Variants in CDYL observed in about 807,000 individuals in gnomAD.
The protein encoded by CDYL is chromodomain Y like, also known as chromodomain Y-like protein.
A neutral mutation model predicts 47.3 loss-of-function variants in CDYL; 8 were observed. That is an observed-to-expected ratio of 0.17 (90% CI 0.10 to 0.31). The LOEUF (loss-of-function observed/expected upper bound fraction) is 0.31. CDYL is among the 10% of genes least tolerant of loss of function. The pLI is 1.00. For synonymous variants in CDYL, 266 were observed against 265.0 expected, an observed-to-expected ratio of 1.00 and a Z score of -0.04; for missense variants, 471 against 701.4, an observed-to-expected ratio of 0.67 and a Z score of 3.71.
chr6:4,909,547 T>C (rs1165993170), intron 2 of CDYL, among the ~76,000 whole-genome samples: 2 of 152,176 alleles, frequency 1.3e-5, no homozygotes, highest in Non-Finnish European at 2.9e-5. Context: ...CGCTTTCTGG[T>C]GTACTTGAGA....
chr6:4,817,465 C>T (rs954611228), intron 1 of CDYL, among the ~76,000 whole-genome samples: 6 of 152,084 alleles, frequency 3.9e-5, no homozygotes, highest in Non-Finnish European at 7.4e-5. Flanking sequence ...CATTCCCTTA[C>T]GAGCCACCAC....
intron 1 of CDYL, among the ~76,000 whole-genome samples, chr6:4,867,382 A>T (rs901318678): frequency 1.1e-4 from 17 of 152,142 alleles, no homozygotes; most frequent in African/African-American, 4.1e-4. Flanking sequence ...GAGAATGAAC[A>T]TCCTTACTTC....
intron 1 of CDYL, among the ~76,000 whole-genome samples, chr6:4,880,994 T>G (rs2127478112): frequency 6.6e-6 from 1 of 152,356 alleles, no homozygotes; most frequent in Admixed American, 6.5e-5. Context: ...TTTAAATTAT[T>G]ATTTACATAG....
chr6:4,882,975 G>A (rs192856628), intron 1 of CDYL, among the ~76,000 whole-genome samples: 23 of 152,230 alleles, frequency 1.5e-4, no homozygotes, highest in Non-Finnish European at 2.4e-4. Flanking sequence ...TTAAAGCCAC[G>A]TGATAACCCA....
chr6:4,952,181 C>T, intron 5 of CDYL, 85 bp from the exon 6 acceptor site: 1 of 1,478,110 alleles, frequency 6.8e-7, no homozygotes, highest in Non-Finnish European at 9.1e-7. Context: ...GTGAATGTTT[C>T]CCTTCGGTGT....
At chr6:4,791,462 C>G (rs769541581) in intron 1 of CDYL, among the ~76,000 whole-genome samples, 1 of 152,130 alleles carries the variant, frequency 6.6e-6, no homozygotes, top group Non-Finnish European at 1.5e-5. Context: ...CACCATAGAG[C>G]ATATTCAAAA....
intron 1 of CDYL, among the ~76,000 whole-genome samples, chr6:4,860,018 C>T (rs1209709919): frequency 1.3e-5 from 2 of 151,810 alleles, no homozygotes; most frequent in African/African-American, 4.8e-5. Context: ...TCTCCTGCCT[C>T]AGTCTCCCAA....
intron 3 of CDYL, among the ~76,000 whole-genome samples, chr6:4,741,822 C>G (rs1468091150): frequency 6.6e-6 from 1 of 152,164 alleles, no homozygotes; most frequent in Admixed American, 6.5e-5. Context: ...ATGCTGTAGA[C>G]TGGTCCTCTG....
At chr6:4,868,940 T>C (rs953853056) in intron 1 of CDYL, among the ~76,000 whole-genome samples, 5 of 152,220 alleles carry the variant, frequency 3.3e-5, no homozygotes, top group African/African-American at 1.2e-4. Flanking sequence ...AAAGTCTTCT[T>C]TGATACCCAT....
At chr6:4,900,446 A>G (rs1378094709) in intron 2 of CDYL, among the ~76,000 whole-genome samples, 4 of 152,104 alleles carry the variant, frequency 2.6e-5, no homozygotes, top group African/African-American at 7.2e-5. Flanking sequence ...ATGTTTATAC[A>G]CACATACACA....
At chr6:4,855,002 A>G (rs375694082) in intron 1 of CDYL, among the ~76,000 whole-genome samples, 1 of 152,212 alleles carries the variant, frequency 6.6e-6, no homozygotes, top group Non-Finnish European at 1.5e-5. Flanking sequence ...TAGGGTCAAT[A>G]TGAGCTTTCT....
intron 1 of CDYL, among the ~76,000 whole-genome samples, chr6:4,815,416 A>G (rs7744582): frequency 0.027 from 4,121 of 152,266 alleles, 188 homozygotes; most frequent in African/African-American, 0.093. Flanking sequence ...TCCTTAGTGT[A>G]GAATACTGTC....
intron 2 of CDYL, among the ~76,000 whole-genome samples, chr6:4,918,601 A>C (rs1757622852): frequency 6.6e-6 from 1 of 152,224 alleles, no homozygotes; most frequent in Non-Finnish European, 1.5e-5. Flanking sequence ...AGTTTGTCAA[A>C]AGTAAAACTA....
rs973312261 is a variant in CDYL, at chr6:4,886,409, A to G, written c.25-5304A>G. Reference sequence around the variant, plus strand: ...CACCACTACTTACCCTTTTTATTACAGCCATCCTACCGGCTGTGAAGTGTA... The same window carrying G: ...CACCACTACTTACCCTTTTTATTACGGCCATCCTACCGGCTGTGAAGTGTA... On this transcript the variant is annotated intron_variant, in intron 1 of 6. Coordinates refer to ENST00000397588, the MANE Select transcript of CDYL (RefSeq NM_004824.4). Among the ~76,000 whole-genome samples the G allele has an allele frequency of 2.0e-4, 30 of 152,180 alleles. 1 individual carries two copies. The highest frequency in any genetic ancestry group is 6.8e-4 in the African/African-American group (28 of 41,436).
intron 2 of CDYL, among the ~76,000 whole-genome samples, chr6:4,898,761 C>T (rs1762359060): frequency 6.6e-6 from 1 of 152,220 alleles, no homozygotes; most frequent in South Asian, 2.1e-4. Flanking sequence ...TGGAGCCAGT[C>T]TGCTTACTCC....
chr6:4,917,687 G>A (rs1757595912), intron 2 of CDYL, among the ~76,000 whole-genome samples: 1 of 152,194 alleles, frequency 6.6e-6, no homozygotes. Flanking sequence ...CAGCACTGAG[G>A]AAGGATTAAA....
At chr6:4,824,300 G>A (rs1228119648) in intron 1 of CDYL, among the ~76,000 whole-genome samples, 1 of 152,092 alleles carries the variant, frequency 6.6e-6, no homozygotes, top group South Asian at 2.1e-4. Context: ...ATGGTAATTC[G>A]ATGTTTAACT....
At chr6:4,860,590 T>C (rs941884607) in intron 1 of CDYL, among the ~76,000 whole-genome samples, 2 of 145,516 alleles carry the variant, frequency 1.4e-5, no homozygotes, top group African/African-American at 2.6e-5. Context: ...ATGTATAATA[T>C]ACATATATAT....
chr6:4,754,040 T>C (rs968839108), intron 3 of CDYL, among the ~76,000 whole-genome samples: 14 of 152,184 alleles, frequency 9.2e-5, no homozygotes, highest in African/African-American at 3.1e-4. Context: ...GAGGCTGAGG[T>C]GGGAGGATCA....
Sources: gnomAD v4.1 joint callset for allele counts (sites outside exome capture counted in the v4.1 genomes callset) on GRCh38, gnomAD v4.1.1 for gene constraint, MANE v1.5 for transcripts, NCBI Gene and HGNC (gene_info 2026-07-23, HGNC 2026-07-21) for gene names.